The following PLEKHA3 variants were observed in gnomAD, a reference collection of about 807,000 sequenced individuals.
The protein encoded by PLEKHA3 is pleckstrin homology domain-containing family A member 3.
In PLEKHA3, 19 loss-of-function variants were observed where a neutral mutation model predicts 39.2. The observed-to-expected ratio is 0.48, with a 90% confidence interval of 0.34 to 0.71. The LOEUF is 0.71. Ranked by LOEUF, PLEKHA3 falls within the 30% of genes least tolerant of loss-of-function variation. The pLI, the probability that PLEKHA3 is intolerant of heterozygous loss-of-function variation, is 0.01. For synonymous variants in PLEKHA3, 97 were observed against 118.6 expected (o/e 0.82, Z 1.18); for missense variants, 253 against 359.5 (o/e 0.70, Z 2.40).
intron 7 of PLEKHA3, chr2:178,502,593 CT>C (rs763874878): frequency 0.031 from 4,583 of 147,320 alleles, 45 homozygotes; most frequent in African/African-American, 0.04. Flanking sequence ...AGTGCGACAT[CT>C]TTTTTTTTTT....
rs1685684783 is a variant in PLEKHA3 at position 178,511,500 on chromosome 2, A to T, written c.*7613A>T. The T allele has an allele frequency of 6.6e-6, 1 of 152,048 alleles. No homozygotes were observed. Among genetic ancestry groups the T allele is most frequent in the Non-Finnish European group, 1.5e-5 (1 of 68,024 alleles). 9.4% of individuals were successfully genotyped at this position (152,048 alleles called of 1,614,324 possible). ...GCAATTCTCGTGACTCAACATCCCA[A>T]ATAGCTGGGACTGTAGGCACGCACC... On this transcript the variant is annotated 3_prime_UTR_variant, in exon 8 of 8. Coordinates refer to ENST00000234453, the MANE Select transcript of PLEKHA3 (RefSeq NM_019091.4).
At position 178,494,072 on chromosome 2, in the gene PLEKHA3, G is replaced by A. The variant is rs1286892996; in HGVS notation, c.450+83G>A. ...CCTCAGTCATTCCATAAGATGACAG[G>A]CATTTTCACATTGAGTTATTTTCAG... On this transcript the variant is annotated intron_variant, in intron 4 of 7. Transcript: ENST00000234453. The A allele has an allele frequency of 3.4e-6, 5 of 1,453,712 alleles. No individual in the cohort carries two copies. In the East Asian group the frequency reaches 1.2e-4, roughly 35 times the overall value. The allele number at this position is 1,453,712 out of a possible 1,614,324, so 90.1% of individuals were successfully genotyped here.
chr2:178,480,825 G>A lies in PLEKHA3; in HGVS notation c.-45G>A, dbSNP rs777445344. 9.1e-6 allele frequency: 12 copies of A among 1,314,684 alleles called. No individual in the cohort carries two copies. The highest frequency in any genetic ancestry group is 9.8e-6 in the Non-Finnish European group (10 of 1,022,726). 81.4% of individuals were successfully genotyped at this position (1,314,684 alleles called of 1,614,324 possible). A position where few individuals can be genotyped will look rare whatever the true frequency, so the allele number is the denominator to read the frequency against. On this transcript the variant is annotated 5_prime_UTR_variant, in exon 1 of 8. Transcript: ENST00000234453. The stretch of plus-strand genomic sequence containing the variant: ...GGCCCTGCGCCTACCCCATCACCGC[G>A]GCCGGCGCCGGGCCGGGAGGATGCG...
intron 7 of PLEKHA3, among the ~76,000 whole-genome samples, chr2:178,503,125 T>C (rs550053317): frequency 6.6e-6 from 1 of 152,134 alleles, no homozygotes; most frequent in East Asian, 1.9e-4. Context: ...TCAAACTATA[T>C]ATATAAAGGT....
intron 1 of PLEKHA3, 23 bp from the exon 2 acceptor site, chr2:178,485,618 T>G: frequency 1.4e-6 from 2 of 1,478,170 alleles, no homozygotes; most frequent in Non-Finnish European, 1.9e-6. Flanking sequence ...CAATTGACCT[T>G]TTGTTATTTA....
rs991824073 is a variant in PLEKHA3, at chr2:178,513,868, T to G, written c.*9981T>G. On this transcript the variant is annotated 3_prime_UTR_variant, in exon 8 of 8. Coordinates refer to ENST00000234453, the MANE Select transcript of PLEKHA3 (RefSeq NM_019091.4). ...AATTAAAAGTCTTCATTTGACAAAT[T>G]TATATGGTAAATGAGCATAAAATGA... is the stretch of plus-strand genomic sequence containing the variant. 10 of 152,166 alleles carry G rather than the reference T, an allele frequency of 6.6e-5. No individual in the cohort carries two copies. The highest frequency in any genetic ancestry group is 2.4e-4 in the African/African-American group (10 of 41,434). 9.4% of individuals were successfully genotyped at this position (152,166 alleles called of 1,614,324 possible). A position where few individuals can be genotyped will look rare whatever the true frequency, so the allele number is the denominator to read the frequency against.
chr2:178,516,185 T>A lies in PLEKHA3; in HGVS notation c.*12298T>A, dbSNP rs1173513208. ...GAAATTGGAAATAATGGAATTGGTTTAAAAAGCTAGTCTCTAAATTAACTT... is the reference window on the plus strand; with the variant it reads ...GAAATTGGAAATAATGGAATTGGTTAAAAAAGCTAGTCTCTAAATTAACTT... On this transcript the variant is annotated 3_prime_UTR_variant, in exon 8 of 8. Transcript: ENST00000234453. The A allele has an allele frequency of 2.0e-5, 3 of 152,048 alleles. No individual in the cohort carries two copies. The East Asian group carries it at 5.8e-4, about 29-fold the overall frequency. The allele number at this position is 152,048 out of a possible 1,614,324, so 9.4% of individuals were successfully genotyped here.
chr2:178,491,433 G>C (rs879506212), intron 3 of PLEKHA3, among the ~76,000 whole-genome samples: 5 of 152,202 alleles, frequency 3.3e-5, no homozygotes, highest in Non-Finnish European at 7.3e-5. Flanking sequence ...TATGTGTATT[G>C]TTAGTATTCA....
Position 178,511,388 on chromosome 2 carries a change from T to G in PLEKHA3, c.*7501T>G, listed in dbSNP as rs1397882061. 6.6e-6 allele frequency: 1 copy of G among 151,754 alleles called. No homozygotes were observed. Among genetic ancestry groups the G allele is most frequent in the Non-Finnish European group, 1.5e-5 (1 of 68,032 alleles). 9.4% of individuals were successfully genotyped at this position (151,754 alleles called of 1,614,324 possible). ...TTGATCTCTAATTTTTTTTTTTTTT[T>G]TTTGAGACAGAGTCTCACTCTGTAG... On this transcript the variant is annotated 3_prime_UTR_variant, in exon 8 of 8. Coordinates refer to ENST00000234453, the MANE Select transcript of PLEKHA3 (RefSeq NM_019091.4).
intron 6 of PLEKHA3, 65 bp downstream of exon 6, chr2:178,499,319 G>C (rs1685494565): frequency 6.6e-7 from 1 of 1,515,588 alleles, no homozygotes; most frequent in Middle Eastern, 1.7e-4. Flanking sequence ...AGTTCTTTGG[G>C]CCTTTAACAA....
Position 178,490,770 on chromosome 2 carries a change from G to A in PLEKHA3, c.269G>A (p.Ser90Asn). Reference protein sequence around the residue: ...ERQRWLVALGSSKACLTDTRT... With the variant: ...ERQRWLVALGNSKACLTDTRT... ...CAGAGGTGGCTGGTCGCTCTGGGGA[G>A]CTCCAAAGCATGTTTGACTGATACA... Residue 90 changes from serine to asparagine, a missense_variant, in exon 3 of 8, where the codon AGC becomes AAC. By Grantham distance (46) the Ser-to-Asn change is conservative. Around this residue, in one of 2 missense-constraint regions of PLEKHA3, gnomAD observed 126 missense variants for 222.7 expected, o/e 0.57. Transcript: ENST00000234453. The A allele has an allele frequency of 1.2e-6, 2 of 1,613,922 alleles. No homozygotes were observed. The highest frequency in any genetic ancestry group is 1.7e-6 in the Non-Finnish European group (2 of 1,179,916).
intron 7 of PLEKHA3, among the ~76,000 whole-genome samples, chr2:178,503,233 G>A (rs936409956): frequency 2.6e-5 from 4 of 151,868 alleles, no homozygotes; most frequent in Non-Finnish European, 5.9e-5. Flanking sequence ...TGGAGAAATG[G>A]GATCTTTCAG....
intron 6 of PLEKHA3, 150 bp downstream of exon 6, chr2:178,499,404 C>T (rs1313946830): frequency 3.0e-6 from 2 of 668,902 alleles, no homozygotes; most frequent in Non-Finnish European, 2.4e-6. Flanking sequence ...TATTTATCTC[C>T]TAGTATTTAG....
At chr2:178,490,176 A>C (rs1029470384) in intron 2 of PLEKHA3, among the ~76,000 whole-genome samples, 2 of 152,250 alleles carry the variant, frequency 1.3e-5, no homozygotes, top group Non-Finnish European at 2.9e-5. Flanking sequence ...TCCATGTGTT[A>C]TGCTATGATC....
In PLEKHA3 at chr2:178,501,102, G is replaced by A. The variant is rs762648941; in HGVS notation, c.701G>A (p.Arg234Gln). ...SIKEPVSTLH[R>Q]LSQRRRRTYS... ...AAAGAACCAGTATCTACACTTCACCGACTCTCCCAGCGACGCCGAAGAACC... is the reference window on the plus strand; with the variant it reads ...AAAGAACCAGTATCTACACTTCACCAACTCTCCCAGCGACGCCGAAGAACC... The change falls in exon 7 of 8, where the codon CGA (arginine) becomes CAA (glutamine). Residue 234 changes from arginine to glutamine, a missense_variant. Arg to Gln is a conservative substitution (Grantham distance 43). Around this residue, in one of 2 missense-constraint regions of PLEKHA3, gnomAD observed 127 missense variants for 136.8 expected, o/e 0.93. Coordinates refer to ENST00000234453, the MANE Select transcript of PLEKHA3 (RefSeq NM_019091.4). 11 of 1,613,176 alleles carry A rather than the reference G, an allele frequency of 6.8e-6. No individual in the cohort carries two copies. The highest frequency in any genetic ancestry group is 1.7e-5 in the Admixed American group (1 of 59,952).
chr2:178,487,619 T>C (rs2154127621), intron 2 of PLEKHA3, among the ~76,000 whole-genome samples: 1 of 152,124 alleles, frequency 6.6e-6, no homozygotes, highest in Middle Eastern at 3.4e-3. Flanking sequence ...TTATGTTTTT[T>C]GTAGAGATGG....
chr2:178,483,258 C>CA (rs530750579), intron 1 of PLEKHA3, among the ~76,000 whole-genome samples: 190 of 125,290 alleles, frequency 1.5e-3, no homozygotes, highest in African/African-American at 4.2e-3. Context: ...GACTCTATCT[C>CA]AAAAAAAAAA....
intron 2 of PLEKHA3, among the ~76,000 whole-genome samples, chr2:178,489,574 C>T (rs1685311672): frequency 6.6e-6 from 1 of 150,766 alleles, no homozygotes; most frequent in Admixed American, 6.6e-5. Context: ...TTGCCTCAGC[C>T]TTCCGCCTCC....
At position 178,511,135 on chromosome 2, in the gene PLEKHA3, C is replaced by T. The variant is rs961705129; in HGVS notation, c.*7248C>T. On this transcript the variant is annotated 3_prime_UTR_variant, in exon 8 of 8. Coordinates refer to ENST00000234453, the MANE Select transcript of PLEKHA3 (RefSeq NM_019091.4). ...ACTACTCTTTCTACGGCTACAGAGC[C>T]GCATACTCGAAGGAGGGAGATTTTT... The T allele has an allele frequency of 1.3e-5, 2 of 152,072 alleles. No individual in the cohort carries two copies. Among genetic ancestry groups the T allele is most frequent in the African/African-American group, 2.4e-5 (1 of 41,384 alleles). 9.4% of individuals were successfully genotyped at this position (152,072 alleles called of 1,614,324 possible).
Sources: allele counts gnomAD v4.1 joint callset (sites outside exome capture counted in the v4.1 genomes callset), GRCh38; gene constraint gnomAD v4.1.1; regional missense constraint gnomAD v4.1.1; transcripts MANE v1.5; gene names NCBI Gene and HGNC (gene_info 2026-07-23, HGNC 2026-07-21).